DNAH6: variants seen among roughly 807,000 people sequenced by gnomAD.
DNAH6 encodes axonemal beta dynein heavy chain 6.
In DNAH6, 340 loss-of-function variants were observed where a neutral mutation model predicts 491.4. That is an observed-to-expected ratio of 0.69 (90% CI 0.63 to 0.76). The LOEUF (loss-of-function observed/expected upper bound fraction) is 0.76, where lower values mean the gene tolerates loss of function less well. DNAH6 is among the 30% of genes least tolerant of loss of function. The pLI is 0.00. For missense variants in DNAH6, 4,443 were observed against 4,972.2 expected (o/e 0.89, Z 3.20); for synonymous variants, 1,603 against 1,686.1 (o/e 0.95, Z 1.21).
At position 84,621,493 on chromosome 2, in the gene DNAH6, A is replaced by G; in HGVS notation, c.4013A>G (p.Glu1338Gly). Residue 1338 changes from glutamate to glycine, a missense_variant, in exon 26 of 77, where the codon GAA becomes GGA. Around this residue, in one of 3 missense-constraint regions of DNAH6, gnomAD observed 2,977 missense variants for 3,296.6 expected, o/e 0.90. Transcript: ENST00000389394. ...TGCCGTGATTTGACTGAATGTCTGGAAACAGAACACAGTAATCATATACAG... is the reference window on the plus strand; with the variant it reads ...TGCCGTGATTTGACTGAATGTCTGGGAACAGAACACAGTAATCATATACAG... ...MWCRDLTECL[E>G]TEHSNHIQAL... is the part of the protein sequence containing the mutation. The G allele has an allele frequency of 6.5e-7, 1 of 1,538,136 alleles. No homozygotes were observed. The highest frequency in any genetic ancestry group is 8.8e-7 in the Non-Finnish European group (1 of 1,135,682).
chr2:84,624,654 C>T (rs1558814502), intron 28 of DNAH6, 34 bp downstream of exon 28: 2 of 1,532,842 alleles, frequency 1.3e-6, no homozygotes, highest in Non-Finnish European at 1.8e-6. Flanking sequence ...AATATTGACA[C>T]AAGAGTGCTT....
At chr2:84,558,416 T>G (rs1680290569) in intron 11 of DNAH6, among the ~76,000 whole-genome samples, 2 of 140,976 alleles carry the variant, frequency 1.4e-5, no homozygotes, top group Non-Finnish European at 1.5e-5. Context: ...AGAGCGAGAC[T>G]CCATCTAAAA....
chr2:84,806,477 G>T (rs184748690), intron 71 of DNAH6, among the ~76,000 whole-genome samples: 1 of 151,952 alleles, frequency 6.6e-6, no homozygotes, highest in African/African-American at 2.4e-5. Flanking sequence ...AAATTAGCCG[G>T]GCGTGGTGGC....
At chr2:84,508,570 G>C in the DNAH6 span, among the ~76,000 whole-genome samples, 1 of 151,998 alleles carries the variant, frequency 6.6e-6, no homozygotes, top group Non-Finnish European at 1.5e-5. Flanking sequence ...ATTTCCTTTA[G>C]TTCTGCTCTG....
At chr2:84,467,570 T>C in the DNAH6 span, among the ~76,000 whole-genome samples, 1 of 152,114 alleles carries the variant, frequency 6.6e-6, no homozygotes, top group Non-Finnish European at 1.5e-5. Context: ...GTGAGAGTCA[T>C]AGTGGCATTT....
At chr2:84,678,224 T>G (rs1450580751) in intron 41 of DNAH6, among the ~76,000 whole-genome samples, 1 of 152,214 alleles carries the variant, frequency 6.6e-6, no homozygotes, top group Admixed American at 6.5e-5. Context: ...ACTGCCACAT[T>G]TTGAAAAACT....
chr2:84,529,414 A>C (rs1384093427), intron 4 of DNAH6, among the ~76,000 whole-genome samples: 1 of 152,128 alleles, frequency 6.6e-6, no homozygotes, highest in African/African-American at 2.4e-5. Context: ...GTTATACCAT[A>C]TATTTTTAAT....
At chr2:84,742,836 TTAAC>T (rs1477800090) in intron 62 of DNAH6, among the ~76,000 whole-genome samples, 1 of 152,224 alleles carries the variant, frequency 6.6e-6, no homozygotes, top group Admixed American at 6.5e-5. Flanking sequence ...GAATATTTAT[TTAAC>T]TAAGTAAACC....
intron 8 of DNAH6, among the ~76,000 whole-genome samples, chr2:84,548,634 GA>G (rs1051735287): frequency 8.7e-5 from 13 of 149,006 alleles, no homozygotes; most frequent in South Asian, 4.2e-4. Context: ...TGTCTCACTT[GA>G]AAAAAAAAAT....
In DNAH6 at chr2:84,552,992, A is replaced by C; in HGVS notation, c.1560A>C (p.Thr520=). ...TGTTTCTCACAGAACTAATGTTGAC[A>C]GTCCAGTCACTGCTCTTTGAGCCTT... ...IPMFLTELML[T]VQSLLFEPSL... Residue 520 remains threonine (T), a synonymous_variant, in exon 10 of 77, where the codon ACA becomes ACC. Coordinates refer to ENST00000389394, the MANE Select transcript of DNAH6 (RefSeq NM_001370.2). 1 of 1,611,426 alleles carries C rather than the reference A, an allele frequency of 6.2e-7. No homozygotes were observed. Among genetic ancestry groups the C allele is most frequent in the Non-Finnish European group, 8.5e-7 (1 of 1,178,850 alleles).
Position 84,701,234 on chromosome 2 carries a change from T to G in DNAH6, c.7956T>G (p.Tyr2652Ter). The G allele has an allele frequency of 2.6e-6, 4 of 1,551,804 alleles. No individual in the cohort carries two copies. Among genetic ancestry groups the G allele is most frequent in the Non-Finnish European group, 3.5e-6 (4 of 1,147,014 alleles). Residue 2652 changes from tyrosine (Y) to a stop codon, truncating the protein, a stop_gained, in exon 49 of 77, where the codon TAT (tyrosine) becomes TAG (stop). Transcript: ENST00000389394. LOFTEE classifies it high-confidence loss of function. ...HLSVSSMAER[Y>*]YNELRRRYYT... ...GTGTCTCCAGCATGGCAGAGCGCTA[T>G]TACAATGAGCTGCGCAGGCGGTACT... is the stretch of plus-strand genomic sequence containing the variant.
At chr2:84,515,854 T>G (rs972129846), upstream of DNAH6, among the ~76,000 whole-genome samples, 1 of 152,200 alleles carries the variant, frequency 6.6e-6, no homozygotes, top group Non-Finnish European at 1.5e-5. Context: ...CAGGGTCTGC[T>G]TTGGTAGAAG....
intron 11 of DNAH6, among the ~76,000 whole-genome samples, chr2:84,563,629 T>A (rs1343654944): frequency 6.6e-6 from 1 of 152,204 alleles, no homozygotes; most frequent in Non-Finnish European, 1.5e-5. Flanking sequence ...TTGTGAATAT[T>A]TTCTCCCATT....
At chr2:84,571,071 G>C (rs1681799400) in intron 11 of DNAH6, among the ~76,000 whole-genome samples, 1 of 152,156 alleles carries the variant, frequency 6.6e-6, no homozygotes, top group South Asian at 2.1e-4. Context: ...GGGACAATTT[G>C]ATCACTACCA....
intron 21 of DNAH6, 128 bp downstream of exon 21, chr2:84,607,223 A>G (rs968744300): frequency 6.8e-5 from 66 of 972,072 alleles, no homozygotes; most frequent in Non-Finnish European, 9.5e-5. Flanking sequence ...TGGACATGTT[A>G]TTGTGTTTAG....
chr2:84,639,702 G>A (rs1290188010), intron 31 of DNAH6, among the ~76,000 whole-genome samples: 1 of 152,122 alleles, frequency 6.6e-6, no homozygotes, highest in Non-Finnish European at 1.5e-5. Context: ...TTACAGGTGT[G>A]AGCCACTGCA....
At chr2:84,713,501 G>A (rs2104886495) in intron 57 of DNAH6, among the ~76,000 whole-genome samples, 1 of 152,332 alleles carries the variant, frequency 6.6e-6, no homozygotes, top group South Asian at 2.1e-4. Flanking sequence ...CTGGGGCCCA[G>A]GCCGATGCTC....
intron 30 of DNAH6, among the ~76,000 whole-genome samples, chr2:84,635,124 G>A (rs1688750857): frequency 6.6e-6 from 1 of 152,188 alleles, no homozygotes; most frequent in Non-Finnish European, 1.5e-5. Flanking sequence ...CAGCACGGGG[G>A]ACTCTGGACT....
Position 84,686,468 on chromosome 2 carries a change from T to C in DNAH6, c.7064-16T>C, listed in dbSNP as rs151320183. The C allele has an allele frequency of 1.4e-6, 2 of 1,441,198 alleles. No homozygotes were observed. The highest frequency in any genetic ancestry group is 1.9e-6 in the Non-Finnish European group (2 of 1,051,188). The allele number at this position is 1,441,198 out of a possible 1,614,324, so 89.3% of individuals were successfully genotyped here. A position where few individuals can be genotyped will look rare whatever the true frequency, so the allele number is the denominator to read the frequency against. ...ATTATCATTATATTTAAAACTTGGT[T>C]TTGTTCTTTAAATAGACAAACATTT... On this transcript the variant is annotated splice_polypyrimidine_tract_variant and intron_variant, in intron 43 of 76. Coordinates refer to ENST00000389394, the MANE Select transcript of DNAH6 (RefSeq NM_001370.2).
Sources: gnomAD v4.1 joint callset for allele counts (sites outside exome capture counted in the v4.1 genomes callset) on GRCh38, gnomAD v4.1.1 for gene constraint, gnomAD v4.1.1 regional missense constraint, MANE v1.5 for transcripts, NCBI Gene and HGNC (gene_info 2026-07-23, HGNC 2026-07-21) for gene names.